Variants in EYS observed in about 807,000 individuals in gnomAD.
EYS encodes EGF-like photoreceptor maintenance factor, also known as protein eyes shut homolog.
In EYS, 250 loss-of-function variants were observed where a neutral mutation model predicts 282.1. That is an observed-to-expected ratio of 0.89 (90% CI 0.80 to 0.98). EYS has a LOEUF of 0.98. EYS is among the 50% of genes least tolerant of loss of function. The probability of loss-of-function intolerance (pLI) is 0.00; values close to 1 mark genes in which losing one functional copy is unlikely to be tolerated. For synonymous variants in EYS, 1,355 were observed against 1,282.9 expected, an observed-to-expected ratio of 1.06 and a Z score of -1.20; for missense variants, 4,016 against 3,709.0, an observed-to-expected ratio of 1.08 and a Z score of -2.15.
At chr6:65,524,189 A>G (rs1447906414) in intron 2 of EYS, among the ~76,000 whole-genome samples, 1 of 152,110 alleles carries the variant, frequency 6.6e-6, no homozygotes, top group Non-Finnish European at 1.5e-5. Context: ...CAATTTTCCT[A>G]TAGCAGTCAG....
intron 2 of EYS, among the ~76,000 whole-genome samples, chr6:65,507,079 C>G (rs1766687798): frequency 6.6e-6 from 1 of 151,736 alleles, no homozygotes; most frequent in African/African-American, 2.4e-5. Flanking sequence ...TATTATTTCA[C>G]TCTCCCTTTT....
intron 30 of EYS, among the ~76,000 whole-genome samples, chr6:64,299,744 T>C (rs956547152): frequency 2.0e-5 from 3 of 152,210 alleles, no homozygotes; most frequent in Non-Finnish European, 4.4e-5. Flanking sequence ...TTGTATTCCA[T>C]AACCAATGGT....
At chr6:65,569,193 T>C (rs1764393129) in intron 2 of EYS, among the ~76,000 whole-genome samples, 1 of 151,768 alleles carries the variant, frequency 6.6e-6, no homozygotes, top group Non-Finnish European at 1.5e-5. Context: ...GCTCAAAAGC[T>C]CCCCCACTGA....
chr6:63,890,098 A>T (rs1773370093), intron 35 of EYS, among the ~76,000 whole-genome samples: 1 of 152,240 alleles, frequency 6.6e-6, no homozygotes, highest in Non-Finnish European at 1.5e-5. Flanking sequence ...ATACAGGAGC[A>T]CCCAGATTCA....
intron 12 of EYS, among the ~76,000 whole-genome samples, chr6:65,276,141 A>C (rs1001754055): frequency 2.8e-4 from 42 of 152,228 alleles, no homozygotes; most frequent in African/African-American, 9.6e-4. Context: ...AGTTTTCTGA[A>C]AGCTCAGTTA....
rs566808899 is a variant in EYS, at chr6:64,795,712, T to A, written c.3443+17666A>T. Among the ~76,000 whole-genome samples the A allele has an allele frequency of 2.8e-4, 42 of 152,350 alleles. 1 individual carries two copies. The highest frequency in any genetic ancestry group is 9.9e-4 in the African/African-American group (41 of 41,596). Reference sequence around the variant, plus strand: ...TTAATACAATTTTTGACACTTTTAATGAACTTCAGTGGGCAGGTAAACTCA... The same window carrying A: ...TTAATACAATTTTTGACACTTTTAAAGAACTTCAGTGGGCAGGTAAACTCA... On this transcript the variant is annotated intron_variant, in intron 22 of 42. Transcript: ENST00000503581.
At chr6:64,863,646 C>T (rs775398535) in intron 19 of EYS, among the ~76,000 whole-genome samples, 1 of 152,090 alleles carries the variant, frequency 6.6e-6, no homozygotes, top group Non-Finnish European at 1.5e-5. Flanking sequence ...CATTATATAG[C>T]AATAGTAGCT....
At chr6:64,797,414 A>T (rs1223794752) in intron 22 of EYS, among the ~76,000 whole-genome samples, 3 of 152,090 alleles carry the variant, frequency 2.0e-5, no homozygotes, top group Non-Finnish European at 4.4e-5. Context: ...ATACATTTCC[A>T]TGGACCCATA....
chr6:64,197,906 C>G (rs1230942887), intron 31 of EYS, among the ~76,000 whole-genome samples: 1 of 151,688 alleles, frequency 6.6e-6, no homozygotes, highest in Non-Finnish European at 1.5e-5. Flanking sequence ...TACATTGACT[C>G]TAATGACTTA....
intron 36 of EYS, among the ~76,000 whole-genome samples, chr6:63,827,241 C>T (rs528828819): frequency 1.8e-4 from 27 of 152,238 alleles, no homozygotes; most frequent in Non-Finnish European, 3.2e-4. Flanking sequence ...TAAACACATA[C>T]GCACCTAACA....
chr6:65,690,051 T>C lies in EYS; in HGVS notation c.-448+17084A>G, dbSNP rs572620765. On this transcript the variant is annotated intron_variant, in intron 1 of 42. Transcript: ENST00000503581. ...AGGGTCATTTCATTATGAGGTGAGA[T>C]GGTCACATGGGGATGAAGTAATTCT... is the stretch of plus-strand genomic sequence containing the variant. Among the ~76,000 whole-genome samples the C allele has an allele frequency of 4.4e-4, 66 of 150,012 alleles. 2 individuals carry two copies. Among genetic ancestry groups the C allele is most frequent in the African/African-American group, 1.6e-3 (64 of 41,236 alleles).
Position 65,389,986 on chromosome 6 carries a change from G to C in EYS, c.1185-5486C>G, listed in dbSNP as rs146364494. Among the ~76,000 whole-genome samples the C allele has an allele frequency of 9.2e-5, 14 of 152,070 alleles. 1 individual carries two copies. The South Asian group carries it at 1.7e-3, about 18-fold the overall frequency. Reference sequence around the variant, plus strand: ...ATGTAGTCATATAATTGGAGGTCCTGTTGCTTTTTTAAAAATTTATGAAAT... The same window carrying C: ...ATGTAGTCATATAATTGGAGGTCCTCTTGCTTTTTTAAAAATTTATGAAAT... On this transcript the variant is annotated intron_variant, in intron 7 of 42. Transcript: ENST00000503581.
At chr6:65,623,982 A>G (rs1766611708) in intron 2 of EYS, among the ~76,000 whole-genome samples, 1 of 152,226 alleles carries the variant, frequency 6.6e-6, no homozygotes, top group Non-Finnish European at 1.5e-5. Flanking sequence ...TAAATAATTA[A>G]CTACAGGTAA....
chr6:65,322,432 G>A (rs989177128), intron 11 of EYS, among the ~76,000 whole-genome samples: 1 of 152,078 alleles, frequency 6.6e-6, no homozygotes, highest in African/African-American at 2.4e-5. Context: ...ATCTCAGTCA[G>A]ACCTCAGAGG....
intron 34 of EYS, among the ~76,000 whole-genome samples, chr6:63,986,703 C>T (rs1045485754): frequency 6.6e-6 from 1 of 151,688 alleles, no homozygotes; most frequent in Non-Finnish European, 1.5e-5. Flanking sequence ...GCATGATTCT[C>T]ACTTATCAGT....
At chr6:65,163,986 G>A (rs778782392) in intron 12 of EYS, among the ~76,000 whole-genome samples, 9 of 151,212 alleles carry the variant, frequency 6.0e-5, no homozygotes, top group Non-Finnish European at 1.2e-4. Context: ...ACTAAAACAA[G>A]TGTTTTCTCC....
chr6:65,055,955 T>C (rs1773399957), intron 13 of EYS, among the ~76,000 whole-genome samples: 1 of 152,060 alleles, frequency 6.6e-6, no homozygotes. Flanking sequence ...AGTCACTATC[T>C]GCTGTCCAAA....
intron 22 of EYS, among the ~76,000 whole-genome samples, chr6:64,772,727 A>G (rs1583140794): frequency 6.6e-6 from 1 of 151,818 alleles, no homozygotes; most frequent in South Asian, 2.1e-4. Context: ...AATGGTTTTA[A>G]TTTTTATCTC....
intron 22 of EYS, among the ~76,000 whole-genome samples, chr6:64,649,136 T>C (rs1768461035): frequency 6.6e-6 from 1 of 152,188 alleles, no homozygotes; most frequent in African/African-American, 2.4e-5. Flanking sequence ...TTGCTCTTAC[T>C]GTAATTTTCC....
Sources: allele counts gnomAD v4.1 joint callset (sites outside exome capture counted in the v4.1 genomes callset), GRCh38; gene constraint gnomAD v4.1.1; transcripts MANE v1.5; gene names NCBI Gene and HGNC (gene_info 2026-07-23, HGNC 2026-07-21).